KCNQ5: variants seen among roughly 807,000 people sequenced by gnomAD.
KCNQ5 encodes potassium voltage-gated channel subfamily Q member 5.
KCNQ5 carries 30 observed loss-of-function variants against 98.2 expected under a neutral mutation model. The observed-to-expected ratio is 0.31, with a 90% confidence interval of 0.23 to 0.41. The LOEUF is 0.41. KCNQ5 is among the 10% of genes least tolerant of loss of function. KCNQ5 has a pLI of 1.00. For synonymous variants in KCNQ5, 458 were observed against 449.4 expected, an observed-to-expected ratio of 1.02 and a Z score of -0.24; for missense variants, 835 against 1,182.5, an observed-to-expected ratio of 0.71 and a Z score of 4.31.
chr6:73,000,024 C>A (rs2150319010), intron 1 of KCNQ5, among the ~76,000 whole-genome samples: 1 of 152,188 alleles, frequency 6.6e-6, no homozygotes, highest in Middle Eastern at 3.4e-3. Context: ...CCCTGGAGGA[C>A]CGTGGACTCT....
intron 1 of KCNQ5, among the ~76,000 whole-genome samples, chr6:72,738,464 T>A (rs1039149585): frequency 6.6e-6 from 1 of 152,146 alleles, no homozygotes; most frequent in Non-Finnish European, 1.5e-5. Context: ...ATTTACTATT[T>A]TTTAGTATAT....
intron 1 of KCNQ5, among the ~76,000 whole-genome samples, chr6:72,965,652 A>T (rs540658670): frequency 6.6e-6 from 1 of 152,294 alleles, no homozygotes; most frequent in East Asian, 1.9e-4. Flanking sequence ...AGAGGAGAAA[A>T]GTGGTCCTGT....
At chr6:72,877,587 G>A (rs1778466238) in intron 1 of KCNQ5, among the ~76,000 whole-genome samples, 1 of 152,136 alleles carries the variant, frequency 6.6e-6, no homozygotes, top group Non-Finnish European at 1.5e-5. Context: ...ACCCAGTAAT[G>A]GGATTGCTGG....
chr6:72,980,351 A>C (rs929089488), intron 1 of KCNQ5, among the ~76,000 whole-genome samples: 2 of 152,028 alleles, frequency 1.3e-5, no homozygotes, highest in Non-Finnish European at 2.9e-5. Context: ...CTTTTATTTC[A>C]TTGAGCAGTG....
chr6:73,087,144 A>G (rs1288724435), intron 5 of KCNQ5, among the ~76,000 whole-genome samples: 2 of 152,240 alleles, frequency 1.3e-5, no homozygotes, highest in African/African-American at 4.8e-5. Context: ...AGGTATATGA[A>G]GAAGGAACTA....
chr6:72,979,003 G>T (rs919318373), intron 1 of KCNQ5, among the ~76,000 whole-genome samples: 6 of 152,208 alleles, frequency 3.9e-5, no homozygotes, highest in African/African-American at 1.4e-4. Context: ...CAAAGGATAT[G>T]AACTCAACCT....
chr6:72,981,637 G>GT (rs1456389608), intron 1 of KCNQ5, among the ~76,000 whole-genome samples: 1 of 152,014 alleles, frequency 6.6e-6, no homozygotes, highest in Non-Finnish European at 1.5e-5. Flanking sequence ...TTTTTGAAGG[G>GT]TTTTTTGTGT....
chr6:72,845,384 C>T (rs1776976346), intron 1 of KCNQ5, among the ~76,000 whole-genome samples: 1 of 152,212 alleles, frequency 6.6e-6, no homozygotes, highest in Non-Finnish European at 1.5e-5. Context: ...CTTTTTAGAA[C>T]ACCATCTCAC....
intron 1 of KCNQ5, among the ~76,000 whole-genome samples, chr6:72,662,588 G>A (rs1766586425): frequency 6.9e-6 from 1 of 144,088 alleles, no homozygotes; most frequent in African/African-American, 2.6e-5. Flanking sequence ...AAAAACTCAG[G>A]TTAACTTGGA....
intron 3 of KCNQ5, among the ~76,000 whole-genome samples, chr6:73,052,951 C>T (rs142873260): frequency 1.3e-5 from 2 of 152,060 alleles, no homozygotes; most frequent in Admixed American, 6.5e-5. Context: ...CACAGAGTGG[C>T]AAGTTGGACA....
chr6:72,716,727 CA>C (rs1444147823), intron 1 of KCNQ5, among the ~76,000 whole-genome samples: 1 of 152,126 alleles, frequency 6.6e-6, no homozygotes, highest in Non-Finnish European at 1.5e-5. Flanking sequence ...GGTTTTCTGA[CA>C]TTTGAGAGAA....
intron 1 of KCNQ5, among the ~76,000 whole-genome samples, chr6:72,917,929 T>C (rs1007472222): frequency 1.3e-5 from 2 of 152,162 alleles, no homozygotes; most frequent in Non-Finnish European, 2.9e-5. Context: ...GTGTTTCTTT[T>C]CTAGGGGGGC....
At chr6:72,791,095 T>A (rs1367641441) in intron 1 of KCNQ5, among the ~76,000 whole-genome samples, 1 of 152,174 alleles carries the variant, frequency 6.6e-6, no homozygotes, top group Non-Finnish European at 1.5e-5. Context: ...TGGATGAGAA[T>A]GGCTTCTTCC....
chr6:72,999,589 T>A (rs1246087465), intron 1 of KCNQ5, among the ~76,000 whole-genome samples: 1 of 152,182 alleles, frequency 6.6e-6, no homozygotes, highest in Non-Finnish European at 1.5e-5. Context: ...TCTTACCAAT[T>A]CTCAATTACA....
At chr6:72,769,293 TA>T (rs1278079614) in intron 1 of KCNQ5, among the ~76,000 whole-genome samples, 1 of 152,116 alleles carries the variant, frequency 6.6e-6, no homozygotes, top group Non-Finnish European at 1.5e-5. Context: ...GTATGCTTAA[TA>T]AAAATACATA....
At chr6:72,690,577 C>T (rs1582120526) in intron 1 of KCNQ5, among the ~76,000 whole-genome samples, 1 of 152,108 alleles carries the variant, frequency 6.6e-6, no homozygotes, top group Non-Finnish European at 1.5e-5. Flanking sequence ...ATTTGTAAAT[C>T]TACAAAAGAT....
At chr6:72,744,208 A>G (rs1484209643) in intron 1 of KCNQ5, among the ~76,000 whole-genome samples, 2 of 152,158 alleles carry the variant, frequency 1.3e-5, no homozygotes, top group African/African-American at 4.8e-5. Context: ...GCCTAGAGGG[A>G]GAGGGGAACA....
intron 3 of KCNQ5, among the ~76,000 whole-genome samples, chr6:73,075,207 A>C (rs777645973): frequency 2.0e-5 from 3 of 148,824 alleles, no homozygotes; most frequent in Non-Finnish European, 4.4e-5. Context: ...TAATAGTAAT[A>C]ATCAGCGTAT....
intron 2 of KCNQ5, among the ~76,000 whole-genome samples, chr6:73,011,598 C>A (rs571743168): frequency 3.0e-4 from 46 of 151,396 alleles, no homozygotes; most frequent in Admixed American, 2.6e-3. Context: ...GTGTAGGCAA[C>A]AAAAGAAAAA....
Sources: allele counts gnomAD v4.1 joint callset (sites outside exome capture counted in the v4.1 genomes callset), GRCh38; gene constraint gnomAD v4.1.1; transcripts MANE v1.5; gene names NCBI Gene and HGNC (gene_info 2026-07-23, HGNC 2026-07-21).